The following NCS1 variants were observed in gnomAD, a reference collection of about 807,000 sequenced individuals.
NCS1 encodes neuronal calcium sensor 1.
In NCS1, 6 loss-of-function variants were observed where a neutral mutation model predicts 28.4. The observed-to-expected ratio is 0.21, with a 90% CI of 0.12 to 0.42. The LOEUF (loss-of-function observed/expected upper bound fraction) is 0.42. Ranked by LOEUF, NCS1 falls within the 10% of genes least tolerant of loss-of-function variation. NCS1 has a pLI of 1.00. For missense variants in NCS1, 131 were observed against 241.4 expected (o/e 0.54, Z 3.03); for synonymous variants, 86 against 99.3 (o/e 0.87, Z 0.79).
chr9:130,221,399 T>TAGAGAGAG (rs1286299307), intron 4 of NCS1, among the ~76,000 whole-genome samples: 1 of 50,008 alleles, frequency 2.0e-5, no homozygotes, highest in Non-Finnish European at 4.3e-5. Flanking sequence ...TATATATATA[T>TAGAGAGAG]ATATATATAT....
chr9:130,229,676 A>G (rs1243371474), intron 7 of NCS1, among the ~76,000 whole-genome samples: 1 of 152,188 alleles, frequency 6.6e-6, no homozygotes, highest in African/African-American at 2.4e-5. Flanking sequence ...TTCCATGACA[A>G]GCTTGTCAAA....
At chr9:130,231,378 A>AT (rs1833499713) in intron 7 of NCS1, among the ~76,000 whole-genome samples, 1 of 150,688 alleles carries the variant, frequency 6.6e-6, no homozygotes, top group Non-Finnish European at 1.5e-5. Context: ...AATTTTGTTT[A>AT]TTTTTTATGT....
intron 7 of NCS1, among the ~76,000 whole-genome samples, chr9:130,228,953 A>G (rs1006499284): frequency 2.0e-5 from 3 of 151,984 alleles, no homozygotes; most frequent in Admixed American, 6.5e-5. Flanking sequence ...TGCAGGCGTG[A>G]GCCACCATGC....
At chr9:130,230,649 C>T (rs527648247) in intron 7 of NCS1, among the ~76,000 whole-genome samples, 6 of 151,522 alleles carry the variant, frequency 4.0e-5, no homozygotes, top group Non-Finnish European at 7.4e-5. Context: ...TTAAAGGCTA[C>T]AGTGAACTAG....
At chr9:130,187,783 C>T (rs1450003022) in intron 1 of NCS1, among the ~76,000 whole-genome samples, 2 of 152,186 alleles carry the variant, frequency 1.3e-5, no homozygotes, top group African/African-American at 2.4e-5. Flanking sequence ...TTGGGAGCCT[C>T]ACAGTGCTTC....
chr9:130,192,972 A>C lies in NCS1; in HGVS notation c.65-7986A>C, dbSNP rs740919. 0.045 allele frequency among the ~76,000 whole-genome samples: 6,822 copies of C among 152,142 alleles called. 499 individuals carry two copies. The highest frequency in any genetic ancestry group is 0.15 in the African/African-American group (6,330 of 41,490). On this transcript the variant is annotated intron_variant, in intron 1 of 7. Transcript: ENST00000372398. This position sits in a 1 kb window ranked among gnomAD's most constrained non-coding sequence, Gnocchi z 4.8. ...AACCGAAACCCAAACTGGGGAAAAAACCGGTCACACAGCAACGGAGTGGCA... is the reference window on the plus strand; with the variant it reads ...AACCGAAACCCAAACTGGGGAAAAACCCGGTCACACAGCAACGGAGTGGCA...
intron 4 of NCS1, among the ~76,000 whole-genome samples, chr9:130,220,182 G>A (rs376867683): frequency 6.6e-6 from 1 of 152,188 alleles, no homozygotes; most frequent in Non-Finnish European, 1.5e-5. Context: ...CAGGAGGGTC[G>A]GTGGGGACCC....
At chr9:130,208,417 T>C (rs1833059292) in intron 2 of NCS1, among the ~76,000 whole-genome samples, 1 of 152,026 alleles carries the variant, frequency 6.6e-6, no homozygotes, top group Admixed American at 6.6e-5. Flanking sequence ...TAGCTGGGAT[T>C]ACAGGCACCC....
chr9:130,183,732 CTCTCTTCCTTCCTTCTTTCTCTT>C (rs1832701034), intron 1 of NCS1, among the ~76,000 whole-genome samples: 1 of 137,184 alleles, frequency 7.3e-6, no homozygotes, highest in Non-Finnish European at 1.7e-5. Flanking sequence ...TTCTTTCTCT[CTCTCTTCCTTCCTTCTTTCTCTT>C]TCTCTTTCTC....
At chr9:130,220,036 T>A (rs1383441644) in intron 4 of NCS1, among the ~76,000 whole-genome samples, 1 of 152,218 alleles carries the variant, frequency 6.6e-6, no homozygotes, top group Non-Finnish European at 1.5e-5. Flanking sequence ...CGCAGACATC[T>A]GTGCTTCCAG....
At chr9:130,200,874 G>T in intron 1 of NCS1, 84 bp from the exon 2 acceptor site, 1 of 1,580,026 alleles carries the variant, frequency 6.3e-7, no homozygotes, top group Non-Finnish European at 8.7e-7. Flanking sequence ...GAGGGCTGGA[G>T]GGGAGGCCCC....
At chr9:130,189,879 A>ATAT (rs1207119695) in intron 1 of NCS1, among the ~76,000 whole-genome samples, 3 of 37,750 alleles carry the variant, frequency 7.9e-5, no homozygotes, top group African/African-American at 1.2e-4. Context: ...AAAAAAAAAA[A>ATAT]ATATATATAT....
intron 1 of NCS1, among the ~76,000 whole-genome samples, chr9:130,197,422 C>T (rs909484099): frequency 6.6e-6 from 1 of 152,122 alleles, no homozygotes; most frequent in Non-Finnish European, 1.5e-5. Context: ...TTCTGGGAAC[C>T]CAGACACAAT....
Position 130,226,987 on chromosome 9 carries a change from C to A in NCS1, c.*17+483C>A. Among the ~76,000 whole-genome samples, 1 of 141,580 alleles carries A rather than the reference C, an allele frequency of 7.1e-6. No individual in the cohort carries two copies. Among genetic ancestry groups the A allele is most frequent in the African/African-American group, 2.7e-5 (1 of 37,350 alleles). 92.9% of individuals were successfully genotyped at this position (141,580 alleles called of 152,430 possible). ...GCAGTGAGCCGAGATCGTGCCACTG[C>A]ACTCCAGCCTGGGTAACAGAGTGAG... is the stretch of plus-strand genomic sequence containing the variant. On this transcript the variant is annotated intron_variant, in intron 7 of 7. Coordinates refer to ENST00000372398, the MANE Select transcript of NCS1 (RefSeq NM_014286.4). This position sits in a 1 kb window ranked among gnomAD's most constrained non-coding sequence, Gnocchi z 4.8.
At chr9:130,207,754 C>A (rs1271743917) in intron 2 of NCS1, among the ~76,000 whole-genome samples, 3 of 152,246 alleles carry the variant, frequency 2.0e-5, no homozygotes, top group South Asian at 2.1e-4. Context: ...TGGGCATGCT[C>A]ACCCTGCACC....
Position 130,177,922 on chromosome 9 carries a change from C to T in NCS1, c.64+5195C>T, listed in dbSNP as rs79608666. ...ACCTCCTCTCACCGGCTTCACTTTCCGCCTCTGGAAAATGGGCAGTTTTGG... is the reference window on the plus strand; with the variant it reads ...ACCTCCTCTCACCGGCTTCACTTTCTGCCTCTGGAAAATGGGCAGTTTTGG... On this transcript the variant is annotated intron_variant, in intron 1 of 7. Transcript: ENST00000372398. This position sits in a 1 kb window ranked among gnomAD's most constrained non-coding sequence, Gnocchi z 4.4. Among the ~76,000 whole-genome samples the T allele has an allele frequency of 0.015, 2,321 of 152,334 alleles. 30 individuals are homozygous for T. Among genetic ancestry groups the T allele is most frequent in the Non-Finnish European group, 0.018 (1,219 of 68,034 alleles).
chr9:130,182,333 A>G (rs1479746209), intron 1 of NCS1, among the ~76,000 whole-genome samples: 1 of 152,066 alleles, frequency 6.6e-6, no homozygotes, highest in Non-Finnish European at 1.5e-5. Flanking sequence ...GTGAGCCTCA[A>G]AACCTTGGAG....
chr9:130,222,762 T>G lies in NCS1; in HGVS notation c.396+24T>G, dbSNP rs782193496. On this transcript the variant is annotated intron_variant, in intron 5 of 7. Transcript: ENST00000372398. ...TGGTGAGAAGCCGGGTCTCGTGTGG[T>G]TAGGGGTGGCAGGAGGGGCAAAGCC... is the stretch of plus-strand genomic sequence containing the variant. 6 of 1,609,978 alleles carry G rather than the reference T, an allele frequency of 3.7e-6. No individual in the cohort carries two copies. The South Asian group carries it at 4.4e-5, about 12-fold the overall frequency.
At chr9:130,182,294 C>T (rs1382601964) in intron 1 of NCS1, among the ~76,000 whole-genome samples, 1 of 152,160 alleles carries the variant, frequency 6.6e-6, no homozygotes, top group Middle Eastern at 3.2e-3. Context: ...CACGCCCTTC[C>T]CACCCGGCGC....
Sources: allele counts gnomAD v4.1 joint callset (sites outside exome capture counted in the v4.1 genomes callset), GRCh38; gene constraint gnomAD v4.1.1; non-coding constraint Gnocchi (gnomAD v3.1); transcripts MANE v1.5; gene names NCBI Gene and HGNC (gene_info 2026-07-23, HGNC 2026-07-21).